SLC13A3: variants seen among roughly 807,000 people sequenced by gnomAD.
SLC13A3 encodes the protein solute carrier family 13 member 3, also known as Na(+)/dicarboxylate cotransporter 3.
Under a neutral mutation model 59.0 loss-of-function variants are expected in SLC13A3, and 40 were observed. That is an observed-to-expected ratio of 0.68 (90% CI 0.53 to 0.88). The LOEUF (loss-of-function observed/expected upper bound fraction) is 0.88, where lower values mean the gene tolerates loss of function less well. SLC13A3 is among the 40% of genes least tolerant of loss of function. The pLI is 0.00. For missense variants in SLC13A3, 699 were observed against 783.2 expected, an observed-to-expected ratio of 0.89 and a Z score of 1.28; for synonymous variants, 317 against 330.3, an observed-to-expected ratio of 0.96 and a Z score of 0.44.
At chr20:46,605,256 G>C (rs1568932603) in intron 3 of SLC13A3, among the ~76,000 whole-genome samples, 1 of 152,162 alleles carries the variant, frequency 6.6e-6, no homozygotes, top group Non-Finnish European at 1.5e-5. Context: ...ATTTTCTGAT[G>C]ATGATGATGA....
intron 1 of SLC13A3, among the ~76,000 whole-genome samples, chr20:46,638,523 C>T (rs908562118): frequency 1.3e-5 from 2 of 152,230 alleles, no homozygotes; most frequent in African/African-American, 2.4e-5. Context: ...CCGTCAGCTC[C>T]GTCCAGTGAA....
At chr20:46,615,865 T>A (rs997609975) in intron 1 of SLC13A3, among the ~76,000 whole-genome samples, 6 of 152,182 alleles carry the variant, frequency 3.9e-5, no homozygotes, top group African/African-American at 1.4e-4. Flanking sequence ...GTACAGCACA[T>A]CCTATTTTCC....
At chr20:46,608,330 T>A (rs3091733) in intron 3 of SLC13A3, among the ~76,000 whole-genome samples, 2 of 152,192 alleles carry the variant, frequency 1.3e-5, no homozygotes, top group African/African-American at 4.8e-5. Context: ...TTGCCACGCC[T>A]GCTTGTTTGT....
chr20:46,615,617 A>C (rs1170528031), intron 1 of SLC13A3, among the ~76,000 whole-genome samples: 1 of 152,202 alleles, frequency 6.6e-6, no homozygotes, highest in Non-Finnish European at 1.5e-5. Context: ...CAAAGAGAGA[A>C]ACCAAGGGCA....
chr20:46,641,969 C>T (rs942577638), intron 1 of SLC13A3, among the ~76,000 whole-genome samples: 3 of 152,164 alleles, frequency 2.0e-5, no homozygotes, highest in African/African-American at 7.2e-5. Context: ...TGCCCCCAGA[C>T]CCACTGAAAT....
At chr20:46,632,437 G>A (rs936491549) in intron 1 of SLC13A3, among the ~76,000 whole-genome samples, 3 of 147,078 alleles carry the variant, frequency 2.0e-5, no homozygotes, top group African/African-American at 7.6e-5. Context: ...GTGGGACATT[G>A]CCTGGAAGAA....
intron 4 of SLC13A3, among the ~76,000 whole-genome samples, chr20:46,599,769 C>T (rs2062353904): frequency 6.6e-6 from 1 of 152,112 alleles, no homozygotes; most frequent in African/African-American, 2.4e-5. Flanking sequence ...CTGCCCTACC[C>T]TTTCCATGTC....
chr20:46,612,607 CA>C (rs3086509), intron 2 of SLC13A3, among the ~76,000 whole-genome samples: 77,890 of 148,924 alleles, frequency 0.52, 21,817 homozygotes, highest in African/African-American at 0.75. Flanking sequence ...TGTCTGTGTT[CA>C]AAAAAAAAAA....
At chr20:46,675,294 A>G (rs2063117733) in intron 1 of SLC13A3, among the ~76,000 whole-genome samples, 1 of 151,458 alleles carries the variant, frequency 6.6e-6, no homozygotes, top group Admixed American at 6.6e-5. Flanking sequence ...CAGTGGCGCA[A>G]TCTCATCTCA....
At chr20:46,610,339 G>A (rs2062481660) in intron 3 of SLC13A3, 107 bp downstream of exon 3, 2 of 1,008,766 alleles carry the variant, frequency 2.0e-6, no homozygotes, top group East Asian at 2.4e-5. Flanking sequence ...CATAGTAGGT[G>A]CTCAATAAGT....
At chr20:46,644,595 T>C (rs1383451233) in intron 1 of SLC13A3, among the ~76,000 whole-genome samples, 1 of 152,242 alleles carries the variant, frequency 6.6e-6, no homozygotes, top group African/African-American at 2.4e-5. Flanking sequence ...AAGAAAGGAC[T>C]GTGGACATTT....
intron 3 of SLC13A3, among the ~76,000 whole-genome samples, chr20:46,607,401 C>T (rs1278114949): frequency 3.9e-5 from 6 of 152,160 alleles, no homozygotes; most frequent in African/African-American, 1.4e-4. Flanking sequence ...TCGCCTCCTG[C>T]CACCTGGTCA....
chr20:46,683,047 G>A (rs956818291), intron 1 of SLC13A3, among the ~76,000 whole-genome samples: 2 of 152,076 alleles, frequency 1.3e-5, no homozygotes, highest in East Asian at 1.9e-4. Flanking sequence ...CATTTGTGAC[G>A]TTTCTCCAGT....
chr20:46,565,814 A>T (rs2061975593), intron 11 of SLC13A3, among the ~76,000 whole-genome samples: 1 of 152,238 alleles, frequency 6.6e-6, no homozygotes, highest in African/African-American at 2.4e-5. Flanking sequence ...AGCCCCATAC[A>T]GAGAATGATC....
chr20:46,600,059 T>C (rs1178756234), intron 3 of SLC13A3, 22 bp from the exon 4 acceptor site: 4 of 1,544,758 alleles, frequency 2.6e-6, no homozygotes, highest in Non-Finnish European at 8.8e-7. Context: ...GAGCATGATG[T>C]CTTTAATGTA....
chr20:46,659,721 C>T (rs534439112), intron 1 of SLC13A3, among the ~76,000 whole-genome samples: 8 of 148,292 alleles, frequency 5.4e-5, no homozygotes, highest in South Asian at 2.1e-4. Context: ...ATCCCCCCCC[C>T]CCAAAAAAAA....
At chr20:46,672,038 C>G (rs956420834), upstream of SLC13A3, among the ~76,000 whole-genome samples, 1 of 152,186 alleles carries the variant, frequency 6.6e-6, no homozygotes, top group Admixed American at 6.5e-5. Context: ...CCAATACCAT[C>G]CAGAGAGTCA....
At chr20:46,659,151 C>A (rs180685950) in intron 1 of SLC13A3, among the ~76,000 whole-genome samples, 23 of 152,202 alleles carry the variant, frequency 1.5e-4, no homozygotes, top group African/African-American at 4.6e-4. Flanking sequence ...CAATTTACAT[C>A]TAATATAATT....
At chr20:46,628,098 T>G (rs866859779) in intron 1 of SLC13A3, among the ~76,000 whole-genome samples, 2 of 152,118 alleles carry the variant, frequency 1.3e-5, no homozygotes, top group Non-Finnish European at 2.9e-5. Context: ...TGAGGTTCAT[T>G]CTGTGTGTTT....
Sources: gnomAD v4.1 joint callset for allele counts (sites outside exome capture counted in the v4.1 genomes callset) on GRCh38, gnomAD v4.1.1 for gene constraint, MANE v1.5 for transcripts, NCBI Gene and HGNC (gene_info 2026-07-23, HGNC 2026-07-21) for gene names.